The following DNAH9 variants were observed in gnomAD, a reference collection of about 807,000 sequenced individuals.
DNAH9 encodes DNAH9 variant protein.
DNAH9 carries 345 observed loss-of-function variants against 471.6 expected under a neutral mutation model. The observed-to-expected ratio is 0.73, with a 90% confidence interval of 0.67 to 0.80. The LOEUF (loss-of-function observed/expected upper bound fraction) is 0.80, where lower values mean the gene tolerates loss of function less well. Among genes scored for constraint, DNAH9 ranks in the 30% least tolerant of loss-of-function variants. DNAH9 has a pLI of 0.00. For synonymous variants in DNAH9, 2,093 were observed against 2,123.6 expected (o/e 0.99, Z 0.40); for missense variants, 5,407 against 5,609.2 (o/e 0.96, Z 1.15).
intron 27 of DNAH9, 54 bp from the exon 28 acceptor site, chr17:11,727,764 T>C (rs988301211): frequency 5.0e-6 from 6 of 1,206,734 alleles, no homozygotes; most frequent in Admixed American, 1.7e-5. Flanking sequence ...GGCTTCAACA[T>C]GTATTGATAA....
chr17:11,654,116 G>A (rs2073574070), intron 14 of DNAH9, among the ~76,000 whole-genome samples: 1 of 66,940 alleles, frequency 1.5e-5, no homozygotes, highest in Non-Finnish European at 3.6e-5. Flanking sequence ...AGCACTTTGG[G>A]AGGCCGAGGC....
chr17:11,780,239 G>C (rs1243360784), intron 38 of DNAH9, among the ~76,000 whole-genome samples: 1 of 152,216 alleles, frequency 6.6e-6, no homozygotes, highest in Non-Finnish European at 1.5e-5. Flanking sequence ...TAGAGAGCCA[G>C]GAAACCTGAG....
intron 60 of DNAH9, among the ~76,000 whole-genome samples, chr17:11,904,333 A>T (rs1396181111): frequency 6.6e-6 from 1 of 152,126 alleles, no homozygotes; most frequent in Non-Finnish European, 1.5e-5. Context: ...CTGAGGAGCC[A>T]CAAGAGTGGG....
chr17:11,942,334 G>T lies in DNAH9; in HGVS notation c.12692G>T (p.Arg4231Leu), dbSNP rs771748229. The change falls in exon 67 of 69, where the codon CGG (arginine) becomes CTG (leucine). Residue 4231 changes from arginine to leucine, a missense_variant. This residue lies in a region of DNAH9 where 4,636 missense variants were observed against 4,900.3 expected (regional missense o/e 0.95). Coordinates refer to ENST00000262442, the MANE Select transcript of DNAH9 (RefSeq NM_001372.4). ...VKALLEEILE[R>L]VTDEFNIPEL... ...GCACTTCTGGAAGAAATATTGGAGCGGGTGACAGACGAGTTTAACATCCCA... is the reference window on the plus strand; with the variant it reads ...GCACTTCTGGAAGAAATATTGGAGCTGGTGACAGACGAGTTTAACATCCCA... 1 of 1,614,082 alleles carries T rather than the reference G, an allele frequency of 6.2e-7. No homozygotes were observed. Among genetic ancestry groups the T allele is most frequent in the Non-Finnish European group, 8.5e-7 (1 of 1,179,956 alleles).
intron 66 of DNAH9, among the ~76,000 whole-genome samples, chr17:11,939,549 C>T (rs1158114287): frequency 6.6e-6 from 1 of 152,160 alleles, no homozygotes; most frequent in Non-Finnish European, 1.5e-5. Context: ...GTGTTTCTCA[C>T]ATAGCTCACA....
chr17:11,780,860 G>A (rs759792509), intron 38 of DNAH9, 149 bp from the exon 39 acceptor site: 62 of 787,774 alleles, frequency 7.9e-5, no homozygotes, highest in Middle Eastern at 3.7e-4. Context: ...GTTGGGAGCA[G>A]CAGTAGCTGT....
chr17:11,855,621 G>T (rs1971598904), intron 50 of DNAH9, among the ~76,000 whole-genome samples: 1 of 152,180 alleles, frequency 6.6e-6, no homozygotes, highest in Admixed American at 6.5e-5. Context: ...GGTTATAGCT[G>T]CCTGTCCTGT....
intron 35 of DNAH9, among the ~76,000 whole-genome samples, chr17:11,760,392 A>G (rs1169336998): frequency 1.3e-5 from 2 of 152,184 alleles, no homozygotes; most frequent in African/African-American, 2.4e-5. Flanking sequence ...GTGCCGGTGC[A>G]TGCACAAGCC....
chr17:11,885,454 C>T lies in DNAH9; in HGVS notation c.10972-1371C>T, dbSNP rs917310049. Among the ~76,000 whole-genome samples the T allele has an allele frequency of 2.0e-5, 3 of 152,220 alleles. No individual in the cohort carries two copies. The South Asian group carries it at 6.2e-4, about 31-fold the overall frequency. On this transcript the variant is annotated intron_variant, in intron 56 of 68. Transcript: ENST00000262442. ...GATGGGCATCAAAGATCATAAACCT[C>T]TTTCACATATTTTCCATCTCTGTTT...
At chr17:11,734,301 C>A (rs1038756380) in intron 28 of DNAH9, among the ~76,000 whole-genome samples, 5 of 152,206 alleles carry the variant, frequency 3.3e-5, no homozygotes, top group African/African-American at 9.7e-5. Context: ...GTCATCTCAA[C>A]CCTGGCTGCA....
chr17:11,955,171 C>T (rs1597872891), intron 67 of DNAH9, among the ~76,000 whole-genome samples: 2 of 152,242 alleles, frequency 1.3e-5, no homozygotes, highest in Admixed American at 1.3e-4. Context: ...CCAAATCCAG[C>T]CCACAACCTG....
Position 11,930,044 on chromosome 17 carries a change from C to T in DNAH9, c.12056C>T (p.Pro4019Leu), listed in dbSNP as rs775204849. 5.0e-6 allele frequency: 8 copies of T among 1,614,138 alleles called. No homozygotes were observed. The highest frequency in any genetic ancestry group is 6.8e-6 in the Non-Finnish European group (8 of 1,180,030). ...TCCATTAAGATCACCAATGAGCCCC[C>T]CACGGGCATGCATGCCAACCTGCAC... Reference protein sequence around the residue: ...ENSIKITNEPPTGMHANLHKA... With the variant: ...ENSIKITNEPLTGMHANLHKA... The change falls in exon 63 of 69, where the codon CCC becomes CTC. Residue 4019 changes from proline (P) to leucine (L), a missense_variant. Physicochemically the swap from Pro to Leu is moderately conservative, Grantham distance 98. Coordinates refer to ENST00000262442, the MANE Select transcript of DNAH9 (RefSeq NM_001372.4).
chr17:11,726,366 A>G (rs1054200497), intron 27 of DNAH9, among the ~76,000 whole-genome samples: 3 of 152,162 alleles, frequency 2.0e-5, no homozygotes, highest in Non-Finnish European at 4.4e-5. Context: ...TTGTTATAGG[A>G]TTTCTCAGGG....
intron 65 of DNAH9, among the ~76,000 whole-genome samples, chr17:11,934,435 ATTTTTTTTTTT>A (rs547023975): frequency 0.22 from 18,847 of 86,178 alleles, 1,495 homozygotes; most frequent in Middle Eastern, 0.33. Context: ...TGACAAACCC[ATTTTTTTTTTT>A]TTTTTTTTTT....
chr17:11,689,406 G>T (rs984096848), intron 19 of DNAH9, among the ~76,000 whole-genome samples, 160 bp from the exon 20 acceptor site: 2 of 151,112 alleles, frequency 1.3e-5, no homozygotes, highest in African/African-American at 4.9e-5. Context: ...GGGAAGAAAA[G>T]ACATTATTTG....
chr17:11,849,875 T>C (rs1282701129), intron 49 of DNAH9, among the ~76,000 whole-genome samples: 2 of 152,162 alleles, frequency 1.3e-5, no homozygotes, highest in African/African-American at 2.4e-5. Context: ...TACTAAATAA[T>C]ATTTGTCCAA....
chr17:11,731,988 T>C (rs929732038), intron 28 of DNAH9, among the ~76,000 whole-genome samples: 4 of 152,178 alleles, frequency 2.6e-5, no homozygotes, highest in Admixed American at 2.0e-4. Flanking sequence ...ACTTCCACAA[T>C]GGTTGAACTA....
chr17:11,652,087 C>T (rs974679179), intron 13 of DNAH9, among the ~76,000 whole-genome samples: 2 of 151,940 alleles, frequency 1.3e-5, no homozygotes, highest in Non-Finnish European at 2.9e-5. Flanking sequence ...GAGGAAAAGA[C>T]ATTTTCAAAA....
At chr17:11,707,883 C>T (rs184338524) in intron 26 of DNAH9, among the ~76,000 whole-genome samples, 6 of 151,556 alleles carry the variant, frequency 4.0e-5, no homozygotes, top group Admixed American at 1.3e-4. Flanking sequence ...CCACTGGTAC[C>T]GTCTCATGCT....
Sources: gnomAD v4.1 joint callset for allele counts (sites outside exome capture counted in the v4.1 genomes callset) on GRCh38, gnomAD v4.1.1 for gene constraint, gnomAD v4.1.1 regional missense constraint, MANE v1.5 for transcripts, NCBI Gene and HGNC (gene_info 2026-07-23, HGNC 2026-07-21) for gene names.